The following TES variants were observed in gnomAD, a reference collection of about 807,000 sequenced individuals.
TES encodes the protein testin LIM domain protein.
Under a neutral mutation model 48.2 loss-of-function variants are expected in TES, and 41 were observed. The observed-to-expected ratio is 0.85, with a 90% CI of 0.66 to 1.10. The LOEUF (loss-of-function observed/expected upper bound fraction) is 1.10. TES is among the 50% of genes least tolerant of loss of function. The pLI, the probability that TES is intolerant of heterozygous loss-of-function variation, is 0.00. For missense variants in TES, 463 were observed against 515.1 expected, an observed-to-expected ratio of 0.90 and a Z score of 0.98; for synonymous variants, 162 against 174.9, an observed-to-expected ratio of 0.93 and a Z score of 0.58.
At chr7:116,236,148 T>TCTC (rs1799768148) in intron 2 of TES, among the ~76,000 whole-genome samples, 2 of 152,310 alleles carry the variant, frequency 1.3e-5, no homozygotes, top group East Asian at 3.9e-4. Flanking sequence ...AATTAGAACA[T>TCTC]CTCTGCTCTT....
intron 2 of TES, among the ~76,000 whole-genome samples, chr7:116,241,501 T>C (rs1172460859): frequency 6.6e-6 from 1 of 152,186 alleles, no homozygotes; most frequent in East Asian, 1.9e-4. Context: ...ATGACAGCTC[T>C]AGTTGAAGAG....
Position 116,210,577 on chromosome 7 carries a change from G to T in TES, c.-131G>T. ...GGGCGGCGGAAGTTCGACGGCGCCGGGCGAGTGGCTGTTGAGCGGCGCCGC... is the reference window on the plus strand; with the variant it reads ...GGGCGGCGGAAGTTCGACGGCGCCGTGCGAGTGGCTGTTGAGCGGCGCCGC... On this transcript the variant is annotated 5_prime_UTR_variant, in exon 1 of 7. Transcript: ENST00000358204. The T allele has an allele frequency of 1.9e-6, 2 of 1,036,194 alleles. No individual in the cohort carries two copies. Among genetic ancestry groups the T allele is most frequent in the Non-Finnish European group, 2.5e-6 (2 of 794,822 alleles). 64.2% of individuals were successfully genotyped at this position (1,036,194 alleles called of 1,614,324 possible). A position where few individuals can be genotyped will look rare whatever the true frequency, so the allele number is the denominator to read the frequency against.
intron 2 of TES, chr7:116,243,775 C>T (rs1367199810): frequency 6.6e-6 from 1 of 152,160 alleles, no homozygotes; most frequent in African/African-American, 2.4e-5. Flanking sequence ...TATTAGTCTG[C>T]TCTCAGTTAG....
chr7:116,229,033 T>TATATATATATATATATAA lies in TES; in HGVS notation c.28-5500_28-5499insTATATATATATATATAAA, dbSNP rs1417517023. Among the ~76,000 whole-genome samples the TATATATATATATATATAA allele has an allele frequency of 1.5e-3, 176 of 115,284 alleles. 5 individuals carry two copies. Among genetic ancestry groups the TATATATATATATATATAA allele is most frequent in the African/African-American group, 3.8e-3 (112 of 29,406 alleles). The allele number at this position is 115,284 out of a possible 152,430, so 75.6% of individuals were successfully genotyped here. On this transcript the variant is annotated intron_variant, in intron 1 of 6. Transcript: ENST00000358204. Reference sequence around the variant, plus strand: ...ATATATATATATATATATATATATATAATCATTTCCTTAATATTTGGTAAT... The same window carrying TATATATATATATATATAA: ...ATATATATATATATATATATATATATATATATATATATATATAAAATCATTTCCTTAATATTTGGTAAT...
chr7:116,238,604 A>ATTATTATTT (rs1305989227), intron 2 of TES, among the ~76,000 whole-genome samples: 153 of 150,064 alleles, frequency 1.0e-3, no homozygotes, highest in African/African-American at 3.7e-3. Flanking sequence ...TATTATTATT[A>ATTATTATTT]TTATTATTAT....
In TES at chr7:116,250,430, T is replaced by C. The variant is rs1799988685; in HGVS notation, c.636T>C (p.Asp212=). Residue 212 remains aspartate, a synonymous_variant, in exon 4 of 7, where the codon GAT becomes GAC. Coordinates refer to ENST00000358204, the MANE Select transcript of TES (RefSeq NM_015641.4). The stretch of plus-strand genomic sequence containing the variant: ...AACAAATGAACATTCCTGGAGGGGA[T>C]AGAAGCACCCCAGCAGCAGTGGGGG... ...GPKQMNIPGG[D]RSTPAAVGAM... 1.2e-6 allele frequency: 2 copies of C among 1,606,912 alleles called. No homozygotes were observed. Among genetic ancestry groups the C allele is most frequent in the South Asian group, 1.1e-5 (1 of 89,520 alleles).
At chr7:116,226,901 A>G (rs1243760171) in intron 1 of TES, among the ~76,000 whole-genome samples, 2 of 152,172 alleles carry the variant, frequency 1.3e-5, no homozygotes, top group East Asian at 1.9e-4. Flanking sequence ...TGAGTAAGTG[A>G]GAGATGGGAA....
intron 1 of TES, among the ~76,000 whole-genome samples, chr7:116,215,262 C>T (rs1799481247): frequency 6.6e-6 from 1 of 152,108 alleles, no homozygotes; most frequent in South Asian, 2.1e-4. Context: ...TCATCTTGCT[C>T]ACTAAATATA....
intron 1 of TES, among the ~76,000 whole-genome samples, chr7:116,226,238 G>T (rs1284357866): frequency 2.6e-5 from 4 of 152,188 alleles, no homozygotes; most frequent in Non-Finnish European, 5.9e-5. Flanking sequence ...GGTACTAGGA[G>T]TTCAAATATG....
chr7:116,222,904 G>C, intron 1 of TES: 3 of 900,366 alleles, frequency 3.3e-6, no homozygotes, highest in Non-Finnish European at 4.0e-6. Context: ...AGCAATTTCA[G>C]CTGCAGTCAT....
rs1391398083 is a variant in TES at position 116,249,120 on chromosome 7, T to G, written c.214T>G (p.Tyr72Asp). The change falls in exon 3 of 7, where the codon TAT becomes GAT. Residue 72 changes from tyrosine to aspartate, a missense_variant. By Grantham distance (160) the Tyr-to-Asp change is radical (BLOSUM62 -3). Coordinates refer to ENST00000358204, the MANE Select transcript of TES (RefSeq NM_015641.4). ...KVGKLFEDTK[Y>D]TTLIAKLKSD... is the part of the protein sequence containing the mutation. ...GGGAAAACTTTTTGAAGACACCAAG[T>G]ATACCACTCTGATTGCAAAACTAAA... is the stretch of plus-strand genomic sequence containing the variant. 1 of 1,614,118 alleles carries G rather than the reference T, an allele frequency of 6.2e-7. No homozygotes were observed. Among genetic ancestry groups the G allele is most frequent in the Non-Finnish European group, 8.5e-7 (1 of 1,179,978 alleles).
At chr7:116,224,121 C>G (rs1799591169) in intron 1 of TES, among the ~76,000 whole-genome samples, 1 of 152,206 alleles carries the variant, frequency 6.6e-6, no homozygotes, top group African/African-American at 2.4e-5. Flanking sequence ...TCCTGAGGTA[C>G]CCATGTGGGC....
In TES at chr7:116,236,648, C is replaced by T. The variant is rs181304044; in HGVS notation, c.113+2029C>T. Among the ~76,000 whole-genome samples the T allele has an allele frequency of 1.1e-3, 170 of 152,228 alleles. 1 individual carries two copies. The highest frequency in any genetic ancestry group is 3.9e-3 in the African/African-American group (160 of 41,518). On this transcript the variant is annotated intron_variant, in intron 2 of 6. Transcript: ENST00000358204. ...TGCTATGCAGTTGCCAAAAACCGCT[C>T]GTGAGATTTTAAAGCTCATTCCTAA...
At chr7:116,212,378 A>G (rs572443031) in intron 1 of TES, among the ~76,000 whole-genome samples, 1 of 152,352 alleles carries the variant, frequency 6.6e-6, no homozygotes, top group South Asian at 2.1e-4. Context: ...ACCAAGAGTA[A>G]ACCCTAATGT....
At chr7:116,230,047 C>T (rs577542440) in intron 1 of TES, among the ~76,000 whole-genome samples, 2 of 152,216 alleles carry the variant, frequency 1.3e-5, no homozygotes, top group African/African-American at 2.4e-5. Flanking sequence ...CTGAAATGTT[C>T]TCAGGAAAAC....
chr7:116,210,685 G>A lies in TES; in HGVS notation c.-23G>A, dbSNP rs1244547246. 2.8e-5 allele frequency: 36 copies of A among 1,299,360 alleles called. No homozygotes were observed. The highest frequency in any genetic ancestry group is 3.6e-5 in the Non-Finnish European group (36 of 1,012,648). The allele number at this position is 1,299,360 out of a possible 1,614,324, so 80.5% of individuals were successfully genotyped here. ...CGTGGGATCCCGGATAGGAGGAGGA[G>A]GGGACCCATAGGACGCGTTAACATG... On this transcript the variant is annotated 5_prime_UTR_variant, in exon 1 of 7. Transcript: ENST00000358204.
chr7:116,255,674 T>G (rs990554000), intron 6 of TES, among the ~76,000 whole-genome samples: 36 of 152,160 alleles, frequency 2.4e-4, no homozygotes, highest in African/African-American at 7.5e-4. Flanking sequence ...AGAAGATAGA[T>G]CATGGTCTGA....
chr7:116,241,047 C>T (rs1442831025), intron 2 of TES, among the ~76,000 whole-genome samples: 1 of 152,142 alleles, frequency 6.6e-6, no homozygotes, highest in Non-Finnish European at 1.5e-5. Flanking sequence ...AGGGTAGAAT[C>T]TGGGTTAGTT....
intron 1 of TES, among the ~76,000 whole-genome samples, chr7:116,225,575 A>G (rs1208529218): frequency 1.3e-5 from 2 of 152,234 alleles, no homozygotes; most frequent in African/African-American, 2.4e-5. Flanking sequence ...TGAACAAAAA[A>G]GATTTCTGAC....
Sources: gnomAD v4.1 joint callset for allele counts (sites outside exome capture counted in the v4.1 genomes callset) on GRCh38, gnomAD v4.1.1 for gene constraint, MANE v1.5 for transcripts, NCBI Gene and HGNC (gene_info 2026-07-23, HGNC 2026-07-21) for gene names.